Variants in ADPRM observed in about 807,000 individuals in gnomAD.
ADPRM encodes manganese-dependent ADP-ribose/CDP-alcohol diphosphatase.
ADPRM carries 17 observed loss-of-function variants against 27.2 expected under a neutral mutation model. That is an observed-to-expected ratio of 0.63 (90% CI 0.43 to 0.94). ADPRM has a LOEUF of 0.94. ADPRM is among the 40% of genes least tolerant of loss of function. ADPRM has a pLI of 0.00. For synonymous variants in ADPRM, 135 were observed against 145.3 expected (o/e 0.93, Z 0.51); for missense variants, 337 against 412.8 (o/e 0.82, Z 1.59).
chr17:10,697,594 GT>G lies in ADPRM; in HGVS notation c.-90del. ...TCCGGAAGTCGGAAGGAGTCGCTCT[GT>G]CCGTCCCGCTCGTTGGTGGCGCTGT... On this transcript the variant is annotated 5_prime_UTR_variant, in exon 1 of 4. Transcript: ENST00000379774. 1 of 1,520,954 alleles carries G rather than the reference GT, an allele frequency of 6.6e-7. No individual in the cohort carries two copies. The allele number at this position is 1,520,954 out of a possible 1,614,324, so 94.2% of individuals were successfully genotyped here.
In ADPRM at chr17:10,697,665, A is replaced by G. The variant is rs531390364; in HGVS notation, c.-20A>G. ...GGCCTTTCAGCCCAGGGGCCGGCGC[A>G]CGGTAGGTAGTTCCCTGCGGCTGGA... On this transcript the variant is annotated splice_region_variant and 5_prime_UTR_variant, in exon 1 of 4. Transcript: ENST00000379774. 1,621 of 912,370 alleles carry G rather than the reference A, an allele frequency of 1.8e-3. 1 individual carries two copies. The highest frequency in any genetic ancestry group is 2.8e-3 in the Admixed American group (139 of 49,380). The allele number at this position is 912,370 out of a possible 1,614,324, so 56.5% of individuals were successfully genotyped here.
At chr17:10,709,730 A>AAAAAAAC in intron 3 of ADPRM, among the ~76,000 whole-genome samples, 1 of 152,202 alleles carries the variant, frequency 6.6e-6, no homozygotes, top group Non-Finnish European at 1.5e-5. Flanking sequence ...ACTTTAAAAA[A>AAAAAAAC]AAAATTGTAT....
intron 1 of ADPRM, among the ~76,000 whole-genome samples, chr17:10,703,621 A>G (rs2074794024): frequency 6.6e-6 from 1 of 152,116 alleles, no homozygotes; most frequent in South Asian, 2.1e-4. Flanking sequence ...TTATAGGAGT[A>G]CTCTTAGAGT....
rs150191988 is a variant in ADPRM, at chr17:10,705,467, G to A, written c.541G>A (p.Glu181Lys). The change falls in exon 2 of 4, where the codon GAG (glutamate) becomes AAG (lysine). Residue 181 changes from glutamate to lysine, a missense_variant. Transcript: ENST00000379774. This position sits in a 1 kb window ranked among gnomAD's most constrained non-coding sequence, Gnocchi z 5.4. ...LGVDQSSPKY[E>K]QCMKILREHN... ...CGTGGATCAGTCTTCTCCAAAATACGAGCAGTGTATGAAGATATTGAGGGA... is the reference window on the plus strand; with the variant it reads ...CGTGGATCAGTCTTCTCCAAAATACAAGCAGTGTATGAAGATATTGAGGGA... The A allele has an allele frequency of 2.5e-5, 40 of 1,613,802 alleles. No homozygotes were observed. In the African/African-American group the frequency reaches 3.5e-4, roughly 14 times the overall value.
At chr17:10,704,544 A>G (rs2074801268) in intron 1 of ADPRM, among the ~76,000 whole-genome samples, 1 of 151,260 alleles carries the variant, frequency 6.6e-6, no homozygotes, top group Admixed American at 6.6e-5. Flanking sequence ...TGTTTGTGGG[A>G]CAGGGGTATA....
chr17:10,700,718 C>T (rs2520159), intron 1 of ADPRM, among the ~76,000 whole-genome samples: 8,902 of 150,560 alleles, frequency 0.059, 859 homozygotes, highest in African/African-American at 0.2. Context: ...GAGCCATGAT[C>T]GCACCACTGC....
chr17:10,698,920 A>C (rs1359647612), intron 1 of ADPRM: 1 of 152,194 alleles, frequency 6.6e-6, no homozygotes, highest in Non-Finnish European at 1.5e-5. Flanking sequence ...TTGTGTAGTC[A>C]GGCAGATAGC....
rs987209320 is a variant in ADPRM at position 10,705,613 on chromosome 17, A to C, written c.601+86A>C. On this transcript the variant is annotated intron_variant, in intron 2 of 3. Coordinates refer to ENST00000379774, the MANE Select transcript of ADPRM (RefSeq NM_020233.5). This position sits in a 1 kb window ranked among gnomAD's most constrained non-coding sequence, Gnocchi z 5.4. ...TTATTCAGCAGGAAGATGGACAATT[A>C]AGGTAAAAGTATATTGTCACTTGTT... 1.4e-5 allele frequency: 21 copies of C among 1,525,126 alleles called. No homozygotes were observed. Among genetic ancestry groups the C allele is most frequent in the Middle Eastern group, 1.8e-4 (1 of 5,574 alleles). The allele number at this position is 1,525,126 out of a possible 1,614,324, so 94.5% of individuals were successfully genotyped here.
chr17:10,709,434 G>A (rs532908825), intron 3 of ADPRM, among the ~76,000 whole-genome samples: 3 of 152,258 alleles, frequency 2.0e-5, no homozygotes, highest in Admixed American at 1.3e-4. Flanking sequence ...AGAGAAGTCC[G>A]AGGACCAAGC....
Position 10,702,101 on chromosome 17 carries a change from C to T in ADPRM, c.-17-2809C>T, listed in dbSNP as rs879631247. On this transcript the variant is annotated intron_variant, in intron 1 of 3. Coordinates refer to ENST00000379774, the MANE Select transcript of ADPRM (RefSeq NM_020233.5). The surrounding 1 kb of genome is among the most constrained non-coding windows in gnomAD (Gnocchi z 4.2). The stretch of plus-strand genomic sequence containing the variant: ...TTTGGATTTTCAGATCAGGAATGCT[C>T]AACTGTTAAGTATATTCCAAAATCT... Among the ~76,000 whole-genome samples, 6 of 152,192 alleles carry T rather than the reference C, an allele frequency of 3.9e-5. No individual in the cohort carries two copies. The highest frequency in any genetic ancestry group is 7.3e-5 in the Non-Finnish European group (5 of 68,032).
chr17:10,697,626 A>T lies in ADPRM; in HGVS notation c.-59A>T. 7.7e-7 allele frequency: 1 copy of T among 1,292,330 alleles called. No homozygotes were observed. The highest frequency in any genetic ancestry group is 1.1e-6 in the Non-Finnish European group (1 of 911,500). The allele number at this position is 1,292,330 out of a possible 1,614,324, so 80.1% of individuals were successfully genotyped here. Reference sequence around the variant, plus strand: ...CCGCTCGTTGGTGGCGCTGTTACATAGCCCGTAGTCAGAGGCCTTTCAGCC... The same window carrying T: ...CCGCTCGTTGGTGGCGCTGTTACATTGCCCGTAGTCAGAGGCCTTTCAGCC... On this transcript the variant is annotated 5_prime_UTR_variant, in exon 1 of 4. Transcript: ENST00000379774.
rs771691226 is a variant in ADPRM at position 10,705,454 on chromosome 17, T to C, written c.528T>C (p.Ser176=). 4 of 1,614,106 alleles carry C rather than the reference T, an allele frequency of 2.5e-6. No homozygotes were observed. The highest frequency in any genetic ancestry group is 3.4e-6 in the Non-Finnish European group (4 of 1,180,024). ...YDLSVLGVDQ[S]SPKYEQCMKI... ...TGAGTGTCTTGGGCGTGGATCAGTC[T>C]TCTCCAAAATACGAGCAGTGTATGA... Residue 176 remains serine (S), a synonymous_variant, in exon 2 of 4, where the codon TCT becomes TCC. Coordinates refer to ENST00000379774, the MANE Select transcript of ADPRM (RefSeq NM_020233.5). This position sits in a 1 kb window ranked among gnomAD's most constrained non-coding sequence, Gnocchi z 5.4.
In ADPRM at chr17:10,705,710, A is replaced by C; in HGVS notation, c.601+183A>C. The C allele has an allele frequency of 2.0e-6, 2 of 998,974 alleles. No individual in the cohort carries two copies. Among genetic ancestry groups the C allele is most frequent in the Non-Finnish European group, 2.8e-6 (2 of 707,918 alleles). 61.9% of individuals were successfully genotyped at this position (998,974 alleles called of 1,614,324 possible). Reference sequence around the variant, plus strand: ...TTGATTCAAGATTGATTTAACAGATATTTTAAATGCCTATTTTAGGCCAGG... The same window carrying C: ...TTGATTCAAGATTGATTTAACAGATCTTTTAAATGCCTATTTTAGGCCAGG... On this transcript the variant is annotated intron_variant, in intron 2 of 3. Coordinates refer to ENST00000379774, the MANE Select transcript of ADPRM (RefSeq NM_020233.5). This position sits in a 1 kb window ranked among gnomAD's most constrained non-coding sequence, Gnocchi z 5.4.
At chr17:10,707,993 G>T (rs2074825042) in intron 3 of ADPRM, among the ~76,000 whole-genome samples, 1 of 152,130 alleles carries the variant, frequency 6.6e-6, no homozygotes, top group East Asian at 1.9e-4. Flanking sequence ...AATTGATGTG[G>T]GATAACAGGT....
rs367690461 is a variant in ADPRM at position 10,708,286 on chromosome 17, G to A, written c.718+1732G>A. ...TCTACTAAAAATACAAAAATTAGCC[G>A]GGCGTGGTGGCAGGCGCCTGTAATC... On this transcript the variant is annotated intron_variant, in intron 3 of 3. Coordinates refer to ENST00000379774, the MANE Select transcript of ADPRM (RefSeq NM_020233.5). 9.2e-5 allele frequency among the ~76,000 whole-genome samples: 14 copies of A among 151,644 alleles called. 1 individual carries two copies. The East Asian group carries it at 1.2e-3, about 13-fold the overall frequency.
At position 10,710,955 on chromosome 17, in the gene ADPRM, T is replaced by A; in HGVS notation, c.840T>A (p.His280Gln). ...CVVCFFAGHT[H>Q]DGGYSEDPFG... ...TGTGTTTCTTTGCTGGTCACACCCA[T>A]GATGGTGGCTACTCTGAGGATCCTT... The change falls in exon 4 of 4, where the codon CAT becomes CAA. Residue 280 changes from histidine to glutamine, a missense_variant. Transcript: ENST00000379774. 1.2e-6 allele frequency: 2 copies of A among 1,614,196 alleles called. No individual in the cohort carries two copies. The highest frequency in any genetic ancestry group is 1.7e-6 in the Non-Finnish European group (2 of 1,180,034).
chr17:10,699,639 C>T (rs1346376530), intron 1 of ADPRM, among the ~76,000 whole-genome samples: 4 of 151,320 alleles, frequency 2.6e-5, no homozygotes, highest in South Asian at 2.1e-4. Context: ...ATTCTCTTGC[C>T]TCATCCTCCC....
intron 2 of ADPRM, 50 bp from the exon 3 acceptor site, chr17:10,706,388 A>C (rs2074812536): frequency 7.5e-7 from 1 of 1,332,664 alleles, no homozygotes; most frequent in Non-Finnish European, 1.1e-6. Flanking sequence ...TGAATGTCCA[A>C]ATGAGGGGAA....
In ADPRM at chr17:10,702,662, G is replaced by A. The variant is rs551136858; in HGVS notation, c.-17-2248G>A. Among the ~76,000 whole-genome samples the A allele has an allele frequency of 1.3e-5, 2 of 152,194 alleles. No homozygotes were observed. The highest frequency in any genetic ancestry group is 2.9e-5 in the Non-Finnish European group (2 of 68,034). On this transcript the variant is annotated intron_variant, in intron 1 of 3. Coordinates refer to ENST00000379774, the MANE Select transcript of ADPRM (RefSeq NM_020233.5). This position sits in a 1 kb window ranked among gnomAD's most constrained non-coding sequence, Gnocchi z 4.2. ...CAGGGCTGATGCTTATTGTGACCCA[G>A]GTTGAGTTACATGCCTACCCCTAAC...
Sources: allele counts gnomAD v4.1 joint callset (sites outside exome capture counted in the v4.1 genomes callset), GRCh38; gene constraint gnomAD v4.1.1; non-coding constraint Gnocchi (gnomAD v3.1); transcripts MANE v1.5; gene names NCBI Gene and HGNC (gene_info 2026-07-23, HGNC 2026-07-21).